The following MAPK10 variants were observed in gnomAD, a reference collection of about 807,000 sequenced individuals.
MAPK10 encodes mitogen-activated protein kinase 10.
MAPK10 carries 25 observed loss-of-function variants against 59.3 expected under a neutral mutation model. The ratio of observed to expected loss-of-function variants is 0.42; its 90% CI spans 0.31 to 0.59. The LOEUF is 0.59. MAPK10 is among the 20% of genes least tolerant of loss of function. The pLI is 0.15. For synonymous variants in MAPK10, 190 were observed against 200.5 expected (o/e 0.95, Z 0.44); for missense variants, 351 against 568.9 (o/e 0.62, Z 3.90).
At position 86,064,263 on chromosome 4, in the gene MAPK10, T is replaced by C. The variant is rs1355731044; in HGVS notation, c.1110+3A>G. The C allele has an allele frequency of 2.5e-6, 4 of 1,613,952 alleles. No homozygotes were observed. The African/African-American group carries it at 4.0e-5, about 16-fold the overall frequency. ...AGCAAAGTAAAGGCAGCCTATTTCT[T>C]ACCGCCTCCACTTCGGCTGGGTCAT... On this transcript the variant is annotated splice_donor_region_variant and intron_variant, in intron 11 of 13. Transcript: ENST00000641462.
intron 1 of MAPK10, among the ~76,000 whole-genome samples, chr4:86,445,962 G>T (rs1365258005): frequency 1.3e-5 from 2 of 151,870 alleles, no homozygotes. Flanking sequence ...AACAGGTAAA[G>T]GTAAAGAAAA....
rs1213937665 is a variant in MAPK10 at position 86,101,055 on chromosome 4, TCTC to T, written c.724_726del (p.Glu242del). The T allele has an allele frequency of 6.2e-7, 1 of 1,613,446 alleles. No homozygotes were observed. On this transcript the variant is annotated inframe_deletion, in exon 8 of 14. Coordinates refer to ENST00000641462, the MANE Select transcript of MAPK10 (RefSeq NM_138982.4). ...TGCTCTCCCGAAGCATCCCTACCGT[TCTC>T]CTTGTAGCCCATCCCCAGGATGACC...
chr4:86,572,947 A>G (rs1282846459), intron 1 of MAPK10, among the ~76,000 whole-genome samples: 2 of 152,150 alleles, frequency 1.3e-5, no homozygotes, highest in Non-Finnish European at 2.9e-5. Flanking sequence ...CTTTAGTAAA[A>G]TATTTGTTTA....
intron 1 of MAPK10, among the ~76,000 whole-genome samples, chr4:86,533,451 A>G (rs2149092296): frequency 6.6e-6 from 1 of 152,366 alleles, no homozygotes; most frequent in South Asian, 2.1e-4. Flanking sequence ...AAAATTTTAA[A>G]TGAATTGTTC....
intron 2 of MAPK10, among the ~76,000 whole-genome samples, chr4:86,238,117 C>T (rs945442622): frequency 4.6e-5 from 7 of 152,096 alleles, no homozygotes; most frequent in Admixed American, 2.6e-4. Flanking sequence ...TTCCCCATTG[C>T]TTGTTTTTGT....
At chr4:86,080,791 TC>T (rs1429175658) in intron 9 of MAPK10, 24 of 151,946 alleles carry the variant, frequency 1.6e-4, no homozygotes, top group African/African-American at 5.3e-4. Context: ...TGTGCCAAGA[TC>T]CTTTTATGTT....
intron 1 of MAPK10, among the ~76,000 whole-genome samples, chr4:86,536,558 T>A (rs1758256996): frequency 6.6e-6 from 1 of 152,238 alleles, no homozygotes; most frequent in Non-Finnish European, 1.5e-5. Context: ...TTGGGAAAAT[T>A]CAGCTTTATT....
chr4:86,379,449 G>A (rs1740343992), intron 1 of MAPK10, among the ~76,000 whole-genome samples: 1 of 152,122 alleles, frequency 6.6e-6, no homozygotes, highest in Non-Finnish European at 1.5e-5. Flanking sequence ...CCATAAACTG[G>A]CCCCAAAACT....
rs1489948543 is a variant in MAPK10 at position 86,193,158 on chromosome 4, GGCAC to G, written c.66+1174_66+1177del. On this transcript the variant is annotated intron_variant, in intron 3 of 13. Coordinates refer to ENST00000641462, the MANE Select transcript of MAPK10 (RefSeq NM_138982.4). ...TTCCTCTGGAAGCTTTTTTCAGAGGGGCACCTGCCAGATGCCAGCTGGAGCTCTC... is the reference window on the plus strand; with the variant it reads ...TTCCTCTGGAAGCTTTTTTCAGAGGGCTGCCAGATGCCAGCTGGAGCTCTC... 3 of 155,628 alleles carry G rather than the reference GGCAC, an allele frequency of 1.9e-5. No individual in the cohort carries two copies. In the Admixed American group the frequency reaches 2.0e-4, roughly 10 times the overall value. The allele number at this position is 155,628 out of a possible 1,614,324, so 9.6% of individuals were successfully genotyped here.
chr4:86,348,333 T>C (rs1729334348), intron 2 of MAPK10, among the ~76,000 whole-genome samples: 1 of 152,110 alleles, frequency 6.6e-6, no homozygotes, highest in Admixed American at 6.6e-5. Context: ...TTTTATAAAA[T>C]AGGAATGTTC....
chr4:86,069,156 T>C (rs1349541981), intron 9 of MAPK10, among the ~76,000 whole-genome samples: 5 of 152,116 alleles, frequency 3.3e-5, no homozygotes, highest in Non-Finnish European at 7.4e-5. Flanking sequence ...TCAGTCCTGA[T>C]TAAAGATAAA....
At chr4:86,432,600 C>T (rs1374260114) in intron 1 of MAPK10, among the ~76,000 whole-genome samples, 1 of 152,072 alleles carries the variant, frequency 6.6e-6, no homozygotes, top group African/African-American at 2.4e-5. Flanking sequence ...TTTTGTTTCT[C>T]ACAAATTGGG....
At chr4:86,047,371 G>C (rs2042694216) in intron 11 of MAPK10, among the ~76,000 whole-genome samples, 1 of 152,124 alleles carries the variant, frequency 6.6e-6, no homozygotes. Context: ...CCAGGCAGAA[G>C]GAAATACAAT....
chr4:86,067,996 A>G (rs368123731), intron 9 of MAPK10, 41 bp from the exon 10 acceptor site: 1 of 1,400,578 alleles, frequency 7.1e-7, no homozygotes, highest in African/African-American at 1.4e-5. Context: ...AGAGCAGACC[A>G]CTAGCCTTTC....
At chr4:86,355,950 C>T (rs956567073) in intron 1 of MAPK10, among the ~76,000 whole-genome samples, 3 of 152,140 alleles carry the variant, frequency 2.0e-5, no homozygotes, top group Non-Finnish European at 4.4e-5. Context: ...TTAACACAGA[C>T]AAACAGGAGT....
chr4:86,168,771 C>T (rs2072904665), intron 3 of MAPK10, among the ~76,000 whole-genome samples: 2 of 152,192 alleles, frequency 1.3e-5, no homozygotes, highest in South Asian at 2.1e-4. Context: ...CAAGTGGGTC[C>T]CTGACCCCTG....
At chr4:86,559,340 C>G (rs894558964) in intron 1 of MAPK10, among the ~76,000 whole-genome samples, 4 of 150,914 alleles carry the variant, frequency 2.7e-5, no homozygotes, top group African/African-American at 9.7e-5. Flanking sequence ...TTTGCCTTGT[C>G]TAGGTGAAGA....
intron 2 of MAPK10, among the ~76,000 whole-genome samples, chr4:86,249,359 C>T (rs1283583186): frequency 2.0e-5 from 3 of 152,138 alleles, no homozygotes; most frequent in Admixed American, 6.5e-5. Context: ...CATCACAAGG[C>T]GGTTGCTGTA....
chr4:86,506,500 T>C (rs946264389), intron 1 of MAPK10, among the ~76,000 whole-genome samples: 1 of 152,168 alleles, frequency 6.6e-6, no homozygotes, highest in Admixed American at 6.6e-5. Context: ...AGCTGCTGCC[T>C]GGCACAGAGT....
Sources: gnomAD v4.1 joint callset for allele counts (sites outside exome capture counted in the v4.1 genomes callset) on GRCh38, gnomAD v4.1.1 for gene constraint, MANE v1.5 for transcripts, NCBI Gene and HGNC (gene_info 2026-07-23, HGNC 2026-07-21) for gene names.